Variants in PKD2L1 observed in about 807,000 individuals in gnomAD.
The protein encoded by PKD2L1 is polycystin-2-like protein 1.
Under a neutral mutation model 93.0 loss-of-function variants are expected in PKD2L1, and 77 were observed. The observed-to-expected ratio is 0.83, with a 90% CI of 0.69 to 1.00. The LOEUF (loss-of-function observed/expected upper bound fraction) is 1.00, where lower values mean the gene tolerates loss of function less well. Among genes scored for constraint, PKD2L1 ranks in the 50% least tolerant of loss-of-function variants. PKD2L1 has a pLI of 0.00. For missense variants in PKD2L1, 977 were observed against 990.9 expected (o/e 0.99, Z 0.19); for synonymous variants, 390 against 388.0 (o/e 1.01, Z -0.06).
In PKD2L1 at chr10:100,288,317, A is replaced by T; in HGVS notation, c.*79T>A. On this transcript the variant is annotated 3_prime_UTR_variant, in exon 16 of 16. Coordinates refer to ENST00000318222, the MANE Select transcript of PKD2L1 (RefSeq NM_016112.3). ...TTTATCTCCTGGTTAAAGCCCACTC[A>T]GTTTCCAGGTTCAGTGGACCAGGAG... is the stretch of plus-strand genomic sequence containing the variant. The T allele has an allele frequency of 1.1e-6, 1 of 871,088 alleles. No homozygotes were observed. Among genetic ancestry groups the T allele is most frequent in the Admixed American group, 1.8e-5 (1 of 55,230 alleles). The allele number at this position is 871,088 out of a possible 1,614,324, so 54.0% of individuals were successfully genotyped here. A position where few individuals can be genotyped will look rare whatever the true frequency, so the allele number is the denominator to read the frequency against.
At chr10:100,309,924 A>ATGG (rs142190251) in intron 2 of PKD2L1, among the ~76,000 whole-genome samples, 7,689 of 152,268 alleles carry the variant, frequency 0.05, 643 homozygotes, top group African/African-American at 0.17. Flanking sequence ...AAATCCCATT[A>ATGG]TGGTTGAAGC....
intron 11 of PKD2L1, 149 bp downstream of exon 11, chr10:100,292,799 G>A (rs112402951): frequency 2.7e-4 from 195 of 729,910 alleles, no homozygotes; most frequent in African/African-American, 2.5e-3. Flanking sequence ...GGTCAGGAGC[G>A]GAGACCTACG....
chr10:100,315,969 G>A (rs1237079122), intron 2 of PKD2L1, among the ~76,000 whole-genome samples: 1 of 152,154 alleles, frequency 6.6e-6, no homozygotes, highest in Non-Finnish European at 1.5e-5. Flanking sequence ...AGCAAATGGC[G>A]ATGACTTTGG....
chr10:100,324,242 C>G (rs762568449), intron 2 of PKD2L1, among the ~76,000 whole-genome samples: 2 of 152,250 alleles, frequency 1.3e-5, no homozygotes, highest in African/African-American at 2.4e-5. Context: ...CTATCAACAT[C>G]CAACACCAGG....
intron 2 of PKD2L1, among the ~76,000 whole-genome samples, chr10:100,328,914 T>G (rs1849438625): frequency 6.6e-6 from 1 of 152,176 alleles, no homozygotes; most frequent in South Asian, 2.1e-4. Flanking sequence ...GGTAAAATAT[T>G]TTCACCTTTC....
At chr10:100,313,552 C>T (rs1484175232) in intron 2 of PKD2L1, among the ~76,000 whole-genome samples, 5 of 152,184 alleles carry the variant, frequency 3.3e-5, no homozygotes, top group African/African-American at 1.2e-4. Context: ...GTATAAGCTA[C>T]CTGGATCAAT....
At chr10:100,301,401 T>A (rs903062400) in intron 2 of PKD2L1, among the ~76,000 whole-genome samples, 2 of 152,026 alleles carry the variant, frequency 1.3e-5, no homozygotes, top group Non-Finnish European at 2.9e-5. Context: ...GCGTGTTTCA[T>A]CTGTTATCTG....
In PKD2L1 at chr10:100,315,237, GGTTT is replaced by G. The variant is rs1489573133; in HGVS notation, c.349+13970_349+13973del. 3.9e-5 allele frequency among the ~76,000 whole-genome samples: 6 copies of G among 152,212 alleles called. No individual in the cohort carries two copies. In the East Asian group the frequency reaches 1.2e-3, roughly 29 times the overall value. On this transcript the variant is annotated intron_variant, in intron 2 of 15. Transcript: ENST00000318222. Reference sequence around the variant, plus strand: ...CTGGGGTACATGTGCAGAACGTGCAGGTTTGTTACATAGGTATACATGTGCCACG... The same window carrying G: ...CTGGGGTACATGTGCAGAACGTGCAGGTTACATAGGTATACATGTGCCACG...
At chr10:100,298,145 C>T (rs541493048) in intron 4 of PKD2L1, among the ~76,000 whole-genome samples, 2 of 152,272 alleles carry the variant, frequency 1.3e-5, no homozygotes, top group East Asian at 1.9e-4. Flanking sequence ...TCCACCCTTT[C>T]CCCCTTCCTC....
intron 7 of PKD2L1, 93 bp from the exon 8 acceptor site, chr10:100,295,216 G>T (rs1848501459): frequency 5.3e-6 from 5 of 949,598 alleles, no homozygotes; most frequent in Non-Finnish European, 8.1e-6. Flanking sequence ...CACAGGAGTT[G>T]CCAAGCCAGA....
At chr10:100,324,530 T>C (rs552669922) in intron 2 of PKD2L1, among the ~76,000 whole-genome samples, 1 of 152,240 alleles carries the variant, frequency 6.6e-6, no homozygotes, top group Admixed American at 6.5e-5. Flanking sequence ...TTACACAGTA[T>C]GTAACCTTTT....
intron 2 of PKD2L1, among the ~76,000 whole-genome samples, chr10:100,321,800 G>A (rs1413284168): frequency 1.8e-4 from 2 of 11,060 alleles, no homozygotes; most frequent in Non-Finnish European, 3.8e-4. Flanking sequence ...GGGAGGGAGG[G>A]AGGGAGGGAG....
At chr10:100,318,720 C>T (rs560227955) in intron 2 of PKD2L1, among the ~76,000 whole-genome samples, 4 of 151,658 alleles carry the variant, frequency 2.6e-5, no homozygotes, top group South Asian at 2.1e-4. Context: ...GGGGTTTCAC[C>T]GTGTTAGCCA....
At position 100,297,193 on chromosome 10, in the gene PKD2L1, A is replaced by T; in HGVS notation, c.972T>A (p.Phe324Leu). 6.2e-7 allele frequency: 1 copy of T among 1,613,818 alleles called. No individual in the cohort carries two copies. Among genetic ancestry groups the T allele is most frequent in the Non-Finnish European group, 8.5e-7 (1 of 1,179,966 alleles). The stretch of plus-strand genomic sequence containing the variant: ...ATGGGATGGCACCTCCTGTAGCTGG[A>T]AACTCCACCACCAGCCTATAGGGGG... The part of the protein sequence containing the change: ...LFCVLRLVVE[F>L]PATGGAIPSW... The change falls in exon 6 of 16, where the codon TTT (phenylalanine) becomes TTA (leucine). Residue 324 changes from phenylalanine to leucine, a missense_variant. Coordinates refer to ENST00000318222, the MANE Select transcript of PKD2L1 (RefSeq NM_016112.3).
chr10:100,327,106 GT>G (rs1481035760), intron 2 of PKD2L1, among the ~76,000 whole-genome samples: 4 of 152,134 alleles, frequency 2.6e-5, no homozygotes, highest in African/African-American at 9.7e-5. Flanking sequence ...TTATCTATGT[GT>G]TTCTCAGTCC....
At position 100,297,323 on chromosome 10, in the gene PKD2L1, A is replaced by G. The variant is rs181800677; in HGVS notation, c.956+59T>C. 8.0e-5 allele frequency: 123 copies of G among 1,539,884 alleles called. 1 individual carries two copies. In the East Asian group the frequency reaches 2.5e-3, roughly 32 times the overall value. ...AGGAGTTTAGGGAAGGGTCTCATGC[A>G]CAAGAGACGGGAACCAGGAGCCATG... On this transcript the variant is annotated intron_variant, in intron 5 of 15. Coordinates refer to ENST00000318222, the MANE Select transcript of PKD2L1 (RefSeq NM_016112.3).
At chr10:100,305,229 A>G (rs1848771349) in intron 2 of PKD2L1, among the ~76,000 whole-genome samples, 1 of 150,822 alleles carries the variant, frequency 6.6e-6, no homozygotes, top group Admixed American at 6.7e-5. Context: ...CTCCTGCCTC[A>G]GGCTCCTGAG....
rs979298336 is a variant in PKD2L1, at chr10:100,297,527, A to C, written c.811T>G (p.Tyr271Asp). 3 of 1,614,016 alleles carry C rather than the reference A, an allele frequency of 1.9e-6. No individual in the cohort carries two copies. Among genetic ancestry groups the C allele is most frequent in the Non-Finnish European group, 1.7e-6 (2 of 1,180,012 alleles). Residue 271 changes from tyrosine to aspartate, a missense_variant, in exon 5 of 16, where the codon TAC becomes GAC. Physicochemically the swap from Tyr to Asp is radical, Grantham distance 160 (BLOSUM62 -3). Transcript: ENST00000318222. ...TGTCGGGATCCTGGAAGGTCCAGGT[A>C]GTAGCCACCTCCGCTGTAGCTTGTG... ...RLTSYSGGGY[Y>D]LDLPGSRQGS...
In PKD2L1 at chr10:100,297,426, G is replaced by C; in HGVS notation, c.912C>G (p.Asp304Glu). ...TGATATTGGCATTGTAGACTGAGAA[G>C]TCGATGAACACCACTCGAGTGCCCC... is the stretch of plus-strand genomic sequence containing the variant. ...LDRGTRVVFIDFSVYNANINL... is the reference protein window; with the variant it reads ...LDRGTRVVFIEFSVYNANINL... Residue 304 changes from aspartate to glutamate, a missense_variant, in exon 5 of 16, where the codon GAC (aspartate) becomes GAG (glutamate). Asp to Glu is a conservative substitution (Grantham distance 45, BLOSUM62 2). Coordinates refer to ENST00000318222, the MANE Select transcript of PKD2L1 (RefSeq NM_016112.3). The C allele has an allele frequency of 6.2e-7, 1 of 1,614,140 alleles. No individual in the cohort carries two copies. The highest frequency in any genetic ancestry group is 8.5e-7 in the Non-Finnish European group (1 of 1,180,010).
Sources: allele counts gnomAD v4.1 joint callset (sites outside exome capture counted in the v4.1 genomes callset), GRCh38; gene constraint gnomAD v4.1.1; transcripts MANE v1.5; gene names NCBI Gene and HGNC (gene_info 2026-07-23, HGNC 2026-07-21).